PLXNA2: variants seen among roughly 807,000 people sequenced by gnomAD.
PLXNA2 encodes the protein plexin A2, also known as plexin-A2.
A neutral mutation model predicts 193.5 loss-of-function variants in PLXNA2; 91 were observed. The ratio of observed to expected loss-of-function variants is 0.47; its 90% confidence interval spans 0.40 to 0.56. The LOEUF (loss-of-function observed/expected upper bound fraction) is 0.56, where lower values mean the gene tolerates loss of function less well. PLXNA2 is among the 20% of genes least tolerant of loss of function. The pLI is 0.00. For synonymous variants in PLXNA2, 997 were observed against 1,027.3 expected, an observed-to-expected ratio of 0.97 and a Z score of 0.56; for missense variants, 1,995 against 2,503.2, an observed-to-expected ratio of 0.80 and a Z score of 4.33.
chr1:208,233,295 G>T (rs888416158), intron 1 of PLXNA2, among the ~76,000 whole-genome samples: 2 of 152,194 alleles, frequency 1.3e-5, no homozygotes, highest in Admixed American at 1.3e-4. Context: ...ATGAAATTAT[G>T]CTGCACCAAC....
chr1:208,134,773 T>C (rs551314293), intron 4 of PLXNA2, among the ~76,000 whole-genome samples: 1 of 152,290 alleles, frequency 6.6e-6, no homozygotes, highest in Admixed American at 6.5e-5. Flanking sequence ...TCGCCTGGAC[T>C]AAACAAATGT....
At chr1:208,058,438 G>A (rs116590187) in intron 13 of PLXNA2, among the ~76,000 whole-genome samples, 2,022 of 152,308 alleles carry the variant, frequency 0.013, 19 homozygotes, top group Middle Eastern at 0.065. Flanking sequence ...AATCCTGCCC[G>A]CGCCCAGGAC....
chr1:208,239,287 A>G (rs1252552026), intron 1 of PLXNA2, among the ~76,000 whole-genome samples: 1 of 152,106 alleles, frequency 6.6e-6, no homozygotes, highest in Non-Finnish European at 1.5e-5. Context: ...GAAGATTCAG[A>G]AAACCCCCTT....
At chr1:208,207,257 C>T (rs1361469394) in intron 3 of PLXNA2, among the ~76,000 whole-genome samples, 2 of 152,202 alleles carry the variant, frequency 1.3e-5, no homozygotes, top group African/African-American at 2.4e-5. Flanking sequence ...CCACCTGCCT[C>T]GGCCTCCCAA....
chr1:208,079,004 C>T (rs1666243154), intron 12 of PLXNA2, among the ~76,000 whole-genome samples: 1 of 152,192 alleles, frequency 6.6e-6, no homozygotes, highest in Non-Finnish European at 1.5e-5. Flanking sequence ...GGCTCTGCCT[C>T]CCTTGTCGTG....
chr1:208,152,708 CA>C (rs1668805931), intron 3 of PLXNA2, among the ~76,000 whole-genome samples: 1 of 151,828 alleles, frequency 6.6e-6, no homozygotes, highest in African/African-American at 2.4e-5. Flanking sequence ...CACACACACA[CA>C]CACACACACC....
At chr1:208,181,922 C>G (rs540672790) in intron 3 of PLXNA2, among the ~76,000 whole-genome samples, 1 of 152,156 alleles carries the variant, frequency 6.6e-6, no homozygotes, top group Non-Finnish European at 1.5e-5. Context: ...CCCCTGAGAC[C>G]GTGTCCCATT....
Position 208,038,948 on chromosome 1 carries a change from G to C in PLXNA2, c.4537C>G (p.Pro1513Ala). 6.2e-7 allele frequency: 1 copy of C among 1,614,062 alleles called. No homozygotes were observed. The highest frequency in any genetic ancestry group is 8.5e-7 in the Non-Finnish European group (1 of 1,180,000). The change falls in exon 25 of 32, where the codon CCA (proline) becomes GCA (alanine). Residue 1513 changes from proline to alanine, a missense_variant. Pro to Ala is a conservative substitution (Grantham distance 27). Transcript: ENST00000367033. This position sits in a 1 kb window ranked among gnomAD's most constrained non-coding sequence, Gnocchi z 4.1. ...TTTAACACCTTCACTGGGATCTCTG[G>C]ACTGTTCTCGTTGTCAGGGTTGACG... is the stretch of plus-strand genomic sequence containing the variant. ...NCVNPDNENS[P>A]EIPVKVLNCD...
rs1246842220 is a variant in PLXNA2, at chr1:208,243,865, C to T, written c.-303G>A. 6.6e-6 allele frequency: 1 copy of T among 152,372 alleles called. No individual in the cohort carries two copies. Among genetic ancestry groups the T allele is most frequent in the Non-Finnish European group, 1.5e-5 (1 of 68,152 alleles). 9.4% of individuals were successfully genotyped at this position (152,372 alleles called of 1,614,324 possible). A position where few individuals can be genotyped will look rare whatever the true frequency, so the allele number is the denominator to read the frequency against. ...CTCGGTCTCCGCTCCGCGCGCCCCT[C>T]AGTCCTCCGTCGCCCCGCAGCAGCC... On this transcript the variant is annotated 5_prime_UTR_variant, in exon 1 of 32. Transcript: ENST00000367033.
intron 4 of PLXNA2, among the ~76,000 whole-genome samples, chr1:208,116,026 G>A (rs1330616960): frequency 6.6e-6 from 1 of 152,130 alleles, no homozygotes; most frequent in Non-Finnish European, 1.5e-5. Context: ...TTCCACTCCT[G>A]ACCCCTTTGG....
intron 14 of PLXNA2, among the ~76,000 whole-genome samples, chr1:208,053,792 G>A (rs1665340360): frequency 6.6e-6 from 1 of 152,186 alleles, no homozygotes; most frequent in Admixed American, 6.5e-5. Context: ...TGAATAGAGT[G>A]CCATTACAGA....
chr1:208,192,989 G>A (rs1336952530), intron 3 of PLXNA2, among the ~76,000 whole-genome samples: 3 of 151,490 alleles, frequency 2.0e-5, no homozygotes, highest in East Asian at 1.9e-4. Context: ...CAATGGGCCC[G>A]CTACACAAAA....
rs530930724 is a variant in PLXNA2, at chr1:208,045,946, G to A, written c.3427C>T (p.Pro1143Ser). ...GTAGGGCTAAGCAGTTCAAAGGTCG[G>A]GTTGGGGTAGTAGATAAACTTGGTG... is the stretch of plus-strand genomic sequence containing the variant. ...NDTKFIYYPNPTFELLSPTGV... is the reference protein window; with the variant it reads ...NDTKFIYYPNSTFELLSPTGV... Residue 1143 changes from proline to serine, a missense_variant, in exon 18 of 32, where the codon CCG (proline) becomes TCG (serine). Pro to Ser is a moderately conservative substitution (Grantham distance 74). Around this residue, in one of 3 missense-constraint regions of PLXNA2, gnomAD observed 1,291 missense variants for 1,673.6 expected, o/e 0.77. Coordinates refer to ENST00000367033, the MANE Select transcript of PLXNA2 (RefSeq NM_025179.4). 2 of 1,614,270 alleles carry A rather than the reference G, an allele frequency of 1.2e-6. No homozygotes were observed. The highest frequency in any genetic ancestry group is 2.2e-5 in the East Asian group (1 of 44,890).
chr1:208,168,324 T>C (rs1669374933), intron 3 of PLXNA2, among the ~76,000 whole-genome samples: 1 of 152,180 alleles, frequency 6.6e-6, no homozygotes, highest in Non-Finnish European at 1.5e-5. Flanking sequence ...ATACCTTCCC[T>C]CAGATTTCAG....
intron 13 of PLXNA2, among the ~76,000 whole-genome samples, chr1:208,055,610 C>G (rs1466534783): frequency 6.6e-6 from 1 of 152,088 alleles, no homozygotes; most frequent in African/African-American, 2.4e-5. Flanking sequence ...AGTGGGGAGT[C>G]AGAAAAACAG....
chr1:208,047,476 G>T (rs1475678051), intron 17 of PLXNA2, among the ~76,000 whole-genome samples: 4 of 152,234 alleles, frequency 2.6e-5, no homozygotes, highest in African/African-American at 9.6e-5. Flanking sequence ...TTCTGGGGCT[G>T]CCCAAGACAG....
At chr1:208,136,210 T>C (rs912686797) in intron 4 of PLXNA2, among the ~76,000 whole-genome samples, 3 of 152,188 alleles carry the variant, frequency 2.0e-5, no homozygotes, top group Non-Finnish European at 2.9e-5. Context: ...AGAATAGAGA[T>C]GAGCCGTCTT....
At position 208,216,735 on chromosome 1, in the gene PLXNA2, C is replaced by T. The variant is rs374550780; in HGVS notation, c.1188G>A (p.Ala396=). ...CAGAGCGAGGTGTGTGCCTCCTTAC[C>T]GCCTTGGTGCACTGGACGTCCTTCC... is the stretch of plus-strand genomic sequence containing the variant. ...LLGKDVQCTK[A]PVPIDDNFCG... Residue 396 remains alanine (A), a splice_region_variant and synonymous_variant, in exon 2 of 32, where the codon GCG becomes GCA. Transcript: ENST00000367033. The T allele has an allele frequency of 2.5e-6, 4 of 1,610,282 alleles. No individual in the cohort carries two copies. The highest frequency in any genetic ancestry group is 1.3e-5 in the African/African-American group (1 of 74,940).
intron 1 of PLXNA2, among the ~76,000 whole-genome samples, chr1:208,237,557 C>T (rs1671905611): frequency 6.6e-6 from 1 of 152,158 alleles, no homozygotes; most frequent in South Asian, 2.1e-4. Flanking sequence ...TTAAAATCCT[C>T]AGAGAAGAAC....
Sources: allele counts gnomAD v4.1 joint callset (sites outside exome capture counted in the v4.1 genomes callset), GRCh38; gene constraint gnomAD v4.1.1; regional missense constraint gnomAD v4.1.1; non-coding constraint Gnocchi (gnomAD v3.1); transcripts MANE v1.5; gene names NCBI Gene and HGNC (gene_info 2026-07-23, HGNC 2026-07-21).